The following DOCK1 variants were observed in gnomAD, a reference collection of about 807,000 sequenced individuals.
DOCK1 encodes the protein dedicator of cytokinesis protein 1.
DOCK1 carries 138 observed loss-of-function variants against 262.7 expected under a neutral mutation model. The ratio of observed to expected loss-of-function variants is 0.53; its 90% confidence interval spans 0.46 to 0.61. The LOEUF (loss-of-function observed/expected upper bound fraction) is 0.61, where lower values mean the gene tolerates loss of function less well. Among genes scored for constraint, DOCK1 ranks in the 20% least tolerant of loss-of-function variants. The pLI, the probability that DOCK1 is intolerant of heterozygous loss-of-function variation, is 0.00. For synonymous variants in DOCK1, 866 were observed against 867.4 expected (o/e 1.00, Z 0.03); for missense variants, 1,908 against 2,370.7 (o/e 0.80, Z 4.05).
At chr10:127,309,889 T>TC (rs1009998274) in intron 29 of DOCK1, among the ~76,000 whole-genome samples, 4 of 151,988 alleles carry the variant, frequency 2.6e-5, no homozygotes, top group Non-Finnish European at 4.4e-5. Context: ...TTTTTTTTTT[T>TC]TTTTGAGACA....
chr10:127,299,958 A>G (rs987745181), intron 29 of DOCK1, among the ~76,000 whole-genome samples: 2 of 152,192 alleles, frequency 1.3e-5, no homozygotes, highest in Non-Finnish European at 2.9e-5. Flanking sequence ...CTCAGGCTCC[A>G]TGGCATTTCT....
chr10:127,228,804 A>AT (rs2058733699), intron 27 of DOCK1, among the ~76,000 whole-genome samples: 1 of 152,250 alleles, frequency 6.6e-6, no homozygotes, highest in Admixed American at 6.5e-5. Flanking sequence ...AAATTGACGA[A>AT]TAAAAATTAT....
chr10:127,261,939 G>GGT (rs758932963), intron 29 of DOCK1, among the ~76,000 whole-genome samples: 145 of 92,846 alleles, frequency 1.6e-3, no homozygotes, highest in African/African-American at 3.1e-3. Flanking sequence ...TGTGCATGTG[G>GGT]GTGTGTGTGT....
rs920191003 is a variant in DOCK1, at chr10:126,957,835, A to G, written c.47-12867A>G. 4.8e-3 allele frequency among the ~76,000 whole-genome samples: 736 copies of G among 152,332 alleles called. 6 individuals are homozygous for G. The highest frequency in any genetic ancestry group is 0.017 in the African/African-American group (696 of 41,568). On this transcript the variant is annotated intron_variant, in intron 1 of 51. Transcript: ENST00000623213. ...AAACAAATAACTCAAATGTCCATCA[A>G]CAGGAGAATGGATAGACACATTGTG...
chr10:127,288,368 G>A (rs1477925835), intron 29 of DOCK1, among the ~76,000 whole-genome samples: 1 of 152,104 alleles, frequency 6.6e-6, no homozygotes, highest in Non-Finnish European at 1.5e-5. Context: ...GCTTTTAGTG[G>A]GAAGTGGTAT....
intron 1 of DOCK1, among the ~76,000 whole-genome samples, chr10:126,946,138 T>A (rs2035383940): frequency 6.6e-6 from 1 of 152,210 alleles, no homozygotes; most frequent in African/African-American, 2.4e-5. Context: ...ATTTTCCCCT[T>A]TAACCCTTTA....
At chr10:127,123,953 A>G (rs1477873663) in intron 25 of DOCK1, among the ~76,000 whole-genome samples, 1 of 152,190 alleles carries the variant, frequency 6.6e-6, no homozygotes, top group African/African-American at 2.4e-5. Context: ...TCCTATATTA[A>G]TTGGACAAAA....
chr10:127,026,433 T>C lies in DOCK1; in HGVS notation c.1624+9T>C, dbSNP rs1341581272. ...CAGGTCATCACAGGACTGTGAGTAG[T>C]CAAGCACTTTCTTCCCCCAAGTATT... On this transcript the variant is annotated intron_variant, in intron 16 of 51. Coordinates refer to ENST00000623213, the MANE Select transcript of DOCK1 (RefSeq NM_001290223.2). The C allele has an allele frequency of 1.3e-6, 2 of 1,569,986 alleles. No homozygotes were observed. Among genetic ancestry groups the C allele is most frequent in the African/African-American group, 2.7e-5 (2 of 73,974 alleles).
At chr10:127,367,760 C>T (rs1459659997) in intron 33 of DOCK1, among the ~76,000 whole-genome samples, 2 of 152,196 alleles carry the variant, frequency 1.3e-5, no homozygotes, top group East Asian at 1.9e-4. Flanking sequence ...GCGTTCCCAG[C>T]GACTGGACGC....
At chr10:127,144,500 A>G (rs1046113720) in intron 27 of DOCK1, among the ~76,000 whole-genome samples, 27 of 152,308 alleles carry the variant, frequency 1.8e-4, no homozygotes, top group Admixed American at 1.3e-3. Flanking sequence ...AACCTGCTCT[A>G]TTTGTTTGTT....
At chr10:127,154,653 A>G (rs2052855921) in intron 27 of DOCK1, among the ~76,000 whole-genome samples, 2 of 152,200 alleles carry the variant, frequency 1.3e-5, no homozygotes, top group South Asian at 2.1e-4. Flanking sequence ...TCCCATTGCC[A>G]TAACTTCTGA....
At chr10:127,263,354 G>A (rs1196754721) in intron 29 of DOCK1, among the ~76,000 whole-genome samples, 1 of 22,472 alleles carries the variant, frequency 4.4e-5, no homozygotes, top group Non-Finnish European at 8.7e-5. Context: ...TATATAGATT[G>A]CCTCTTACTA....
chr10:127,341,525 A>AT lies in DOCK1; in HGVS notation c.3124-2114dup, dbSNP rs560970332. Among the ~76,000 whole-genome samples the AT allele has an allele frequency of 1.8e-3, 274 of 152,160 alleles. 1 individual carries two copies. Among genetic ancestry groups the AT allele is most frequent in the Non-Finnish European group, 2.9e-3 (196 of 67,994 alleles). ...GGTATTTGAGGGAATACTTTGCAGT[A>AT]TTTTTTTCCCCATCTCATACTAGAC... On this transcript the variant is annotated intron_variant, in intron 30 of 51. Coordinates refer to ENST00000623213, the MANE Select transcript of DOCK1 (RefSeq NM_001290223.2).
intron 30 of DOCK1, among the ~76,000 whole-genome samples, chr10:127,340,221 A>G (rs1277352935): frequency 6.6e-6 from 1 of 152,188 alleles, no homozygotes; most frequent in African/African-American, 2.4e-5. Context: ...ATGTCATAAT[A>G]ACATACTTTC....
At chr10:126,949,324 A>C (rs902692126) in intron 1 of DOCK1, among the ~76,000 whole-genome samples, 1 of 152,172 alleles carries the variant, frequency 6.6e-6, no homozygotes, top group Non-Finnish European at 1.5e-5. Context: ...GGATTCCAGG[A>C]AGGCACTTCT....
chr10:126,973,449 T>TTCAA (rs1202383791), intron 2 of DOCK1, among the ~76,000 whole-genome samples: 1 of 152,190 alleles, frequency 6.6e-6, no homozygotes, highest in East Asian at 1.9e-4. Context: ...GTCCTTGTAA[T>TTCAA]ACGTGTAACT....
chr10:127,137,426 G>T (rs1399439230), intron 27 of DOCK1: 2 of 157,676 alleles, frequency 1.3e-5, no homozygotes, highest in South Asian at 4.1e-4. Context: ...CAAACATAAG[G>T]CTTGCTTTTT....
At chr10:126,925,746 GTGT>G (rs2033660429) in intron 1 of DOCK1, among the ~76,000 whole-genome samples, 1 of 150,888 alleles carries the variant, frequency 6.6e-6, no homozygotes, top group East Asian at 1.9e-4. Flanking sequence ...GTGTGTGTGT[GTGT>G]GTGTGTGTGT....
intron 27 of DOCK1, among the ~76,000 whole-genome samples, chr10:127,235,485 A>G (rs1013548566): frequency 2.6e-5 from 4 of 152,300 alleles, no homozygotes; most frequent in Middle Eastern, 6.8e-3. Flanking sequence ...CTTGCTGAGT[A>G]CTATTCATCA....
Sources: allele counts gnomAD v4.1 joint callset (sites outside exome capture counted in the v4.1 genomes callset), GRCh38; gene constraint gnomAD v4.1.1; transcripts MANE v1.5; gene names NCBI Gene and HGNC (gene_info 2026-07-23, HGNC 2026-07-21).